Variants in ANAPC4 observed in about 807,000 individuals in gnomAD.
ANAPC4 encodes the protein anaphase promoting complex subunit 4, also known as anaphase-promoting complex subunit 4.
ANAPC4 carries 63 observed loss-of-function variants against 119.8 expected under a neutral mutation model. The observed-to-expected ratio is 0.53, with a 90% CI of 0.43 to 0.65. The LOEUF is 0.65. Among genes scored for constraint, ANAPC4 ranks in the 30% least tolerant of loss-of-function variants. ANAPC4 has a pLI of 0.00. For synonymous variants in ANAPC4, 283 were observed against 318.6 expected (o/e 0.89, Z 1.19); for missense variants, 716 against 945.1 (o/e 0.76, Z 3.18).
chr4:25,392,477 G>A, intron 10 of ANAPC4, 56 bp downstream of exon 10: 1 of 1,455,260 alleles, frequency 6.9e-7, no homozygotes, highest in Non-Finnish European at 9.5e-7. Context: ...CTAAAGTTCT[G>A]TAAATAAAAA....
At chr4:25,407,359 T>C in intron 20 of ANAPC4, 106 bp downstream of exon 20, 1 of 763,076 alleles carries the variant, frequency 1.3e-6, no homozygotes, top group Non-Finnish European at 2.0e-6. Context: ...TCTGCCCTTT[T>C]AGTAAAATTA....
chr4:25,413,672 C>T lies in ANAPC4; in HGVS notation c.1553C>T (p.Pro518Leu). Residue 518 changes from proline (P) to leucine (L), a missense_variant, in exon 22 of 29, where the codon CCT (proline) becomes CTT (leucine). Physicochemically the swap from Pro to Leu is moderately conservative, Grantham distance 98 (BLOSUM62 -3). Around this residue, in one of 3 missense-constraint regions of ANAPC4, gnomAD observed 504 missense variants for 615.8 expected, o/e 0.82. Transcript: ENST00000315368. ...KESPLLFPYY[P>L]RKSLHFVKRR... ...AGTCCTTTGCTGTTTCCTTATTATC[C>T]TCGAAAATCATTGCATTTTGTGAAA... is the stretch of plus-strand genomic sequence containing the variant. 1 of 1,612,782 alleles carries T rather than the reference C, an allele frequency of 6.2e-7. No individual in the cohort carries two copies. Among genetic ancestry groups the T allele is most frequent in the Non-Finnish European group, 8.5e-7 (1 of 1,179,406 alleles).
chr4:25,412,172 C>T (rs117673905), intron 21 of ANAPC4, among the ~76,000 whole-genome samples: 1 of 152,210 alleles, frequency 6.6e-6, no homozygotes, highest in East Asian at 1.9e-4. Context: ...CAGGAACAGC[C>T]ACATAGAAGT....
chr4:25,400,424 T>A (rs758874563), intron 16 of ANAPC4, among the ~76,000 whole-genome samples: 67 of 152,146 alleles, frequency 4.4e-4, no homozygotes, highest in Non-Finnish European at 8.1e-4. Flanking sequence ...GGACGTTCCC[T>A]TCAAGGTGCT....
rs777638838 is a variant in ANAPC4 at position 25,383,268 on chromosome 4, C to G, written c.243C>G (p.Ala81=). 9 of 1,593,732 alleles carry G rather than the reference C, an allele frequency of 5.6e-6. No individual in the cohort carries two copies. In the South Asian group the frequency reaches 1.1e-4, roughly 19 times the overall value. ...TGTTTTTTCTTGTTTTAGTTTTGGC[C>G]TTTGCTCTTGCTGATACCAAGAAAA... ...LAWRPDGKLL[A]FALADTKKIV... Residue 81 remains alanine (A), a synonymous_variant, in exon 4 of 29, where the codon GCC becomes GCG. Coordinates refer to ENST00000315368, the MANE Select transcript of ANAPC4 (RefSeq NM_013367.3).
At chr4:25,390,321 G>A (rs1180753231) in intron 8 of ANAPC4, 101 bp downstream of exon 8, 6 of 766,042 alleles carry the variant, frequency 7.8e-6, no homozygotes, top group Admixed American at 6.1e-5. Flanking sequence ...TTTCAGTTTC[G>A]ATTTTTGGAA....
At chr4:25,413,932 T>C (rs890763627) in intron 22 of ANAPC4, 190 bp downstream of exon 22, 52 of 264,652 alleles carry the variant, frequency 2.0e-4, no homozygotes, top group African/African-American at 7.5e-5. Context: ...CTTACACACG[T>C]GTGTGTGTGT....
At chr4:25,392,501 G>A (rs1717018929) in intron 10 of ANAPC4, 80 bp downstream of exon 10, 2 of 1,197,344 alleles carry the variant, frequency 1.7e-6, no homozygotes, top group Admixed American at 2.0e-5. Context: ...TCAAAATTTT[G>A]TTTTGTAAAG....
At chr4:25,394,528 T>C (rs1722530398) in intron 12 of ANAPC4, 143 bp from the exon 13 acceptor site, 2 of 1,033,524 alleles carry the variant, frequency 1.9e-6, no homozygotes, top group Admixed American at 3.1e-5. Context: ...ACGGGGTATA[T>C]GTGATGTTAC....
rs1237290917 is a variant in ANAPC4, at chr4:25,414,474, C to T, written c.1694C>T (p.Ser565Phe). 6.2e-7 allele frequency: 1 copy of T among 1,600,748 alleles called. No individual in the cohort carries two copies. Among genetic ancestry groups the T allele is most frequent in the Admixed American group, 1.7e-5 (1 of 59,488 alleles). The change falls in exon 24 of 29, where the codon TCT becomes TTT. Residue 565 changes from serine to phenylalanine, a missense_variant. By Grantham distance (155) the Ser-to-Phe change is radical. Coordinates refer to ENST00000315368, the MANE Select transcript of ANAPC4 (RefSeq NM_013367.3). ...PLYRDTRSED[S>F]TRRLFKFPFL... ...TTTCCCTTTTATTTTAGTGAGGATT[C>T]TACACGTAGATTGTTCAAATTTCCT...
At chr4:25,379,878 G>A (rs1258122973) in intron 2 of ANAPC4, among the ~76,000 whole-genome samples, 3 of 152,138 alleles carry the variant, frequency 2.0e-5, no homozygotes, top group African/African-American at 7.2e-5. Context: ...CTGCAACGGG[G>A]CAGTCATAGA....
At chr4:25,381,113 A>G (rs917818613) in intron 3 of ANAPC4, among the ~76,000 whole-genome samples, 1 of 152,222 alleles carries the variant, frequency 6.6e-6, no homozygotes, top group Non-Finnish European at 1.5e-5. Context: ...TGTAAACCCT[A>G]CAGCTTAAAG....
intron 16 of ANAPC4, among the ~76,000 whole-genome samples, chr4:25,397,383 C>T (rs1722717150): frequency 6.6e-6 from 1 of 152,132 alleles, no homozygotes; most frequent in Non-Finnish European, 1.5e-5. Flanking sequence ...AGCCTCCCAC[C>T]CCTCTGCTTC....
At chr4:25,385,253 TC>T (rs1366170499) in intron 4 of ANAPC4, among the ~76,000 whole-genome samples, 1 of 152,252 alleles carries the variant, frequency 6.6e-6, no homozygotes, top group African/African-American at 2.4e-5. Flanking sequence ...GTGCTATATT[TC>T]ACTGGCTTTA....
At chr4:25,408,285 C>T (rs935329206) in intron 20 of ANAPC4, among the ~76,000 whole-genome samples, 17 of 152,122 alleles carry the variant, frequency 1.1e-4, no homozygotes, top group African/African-American at 3.9e-4. Flanking sequence ...CATCAGTGAA[C>T]GTTTTTTACA....
intron 4 of ANAPC4, among the ~76,000 whole-genome samples, chr4:25,383,795 C>T (rs6835099): frequency 3.3e-5 from 5 of 152,276 alleles, no homozygotes; most frequent in South Asian, 2.1e-4. Context: ...AAAATGCTAA[C>T]GATCATCTGA....
At chr4:25,395,774 T>A (rs1430555055) in intron 14 of ANAPC4, among the ~76,000 whole-genome samples, 1 of 152,092 alleles carries the variant, frequency 6.6e-6, no homozygotes. Flanking sequence ...TTTTGGTATA[T>A]TCCTTTATGC....
intron 27 of ANAPC4, 25 bp from the exon 28 acceptor site, chr4:25,417,591 T>G (rs770153868): frequency 1.3e-6 from 2 of 1,561,120 alleles, no homozygotes; most frequent in South Asian, 1.2e-5. Flanking sequence ...TTTTCATTCC[T>G]GAGTTGGTTT....
At chr4:25,381,763 T>A (rs1300760162) in intron 3 of ANAPC4, among the ~76,000 whole-genome samples, 1 of 152,044 alleles carries the variant, frequency 6.6e-6, no homozygotes, top group Non-Finnish European at 1.5e-5. Context: ...GCCTGGCCAA[T>A]ATGGTGAAAC....
Sources: allele counts gnomAD v4.1 joint callset (sites outside exome capture counted in the v4.1 genomes callset), GRCh38; gene constraint gnomAD v4.1.1; regional missense constraint gnomAD v4.1.1; transcripts MANE v1.5; gene names NCBI Gene and HGNC (gene_info 2026-07-23, HGNC 2026-07-21).